SLF2: variants seen among roughly 807,000 people sequenced by gnomAD.
SLF2 encodes the protein SMC5/6 complex localization factor 2, also known as SMC5-SMC6 complex localization factor protein 2.
Under a neutral mutation model 124.3 loss-of-function variants are expected in SLF2, and 68 were observed. That is an observed-to-expected ratio of 0.55 (90% CI 0.45 to 0.67). The LOEUF is 0.67. Ranked by LOEUF, SLF2 falls within the 30% of genes least tolerant of loss-of-function variation. The pLI is 0.00. For synonymous variants in SLF2, 480 were observed against 478.8 expected (o/e 1.00, Z -0.03); for missense variants, 1,246 against 1,373.7 (o/e 0.91, Z 1.47).
At chr10:100,953,512 C>T (rs1176942140) in intron 17 of SLF2, among the ~76,000 whole-genome samples, 1 of 150,978 alleles carries the variant, frequency 6.6e-6, no homozygotes, top group Non-Finnish European at 1.5e-5. Context: ...AAAGTAAAAC[C>T]TGAAAGACTC....
At chr10:100,935,001 A>G (rs1009628833) in intron 9 of SLF2, among the ~76,000 whole-genome samples, 1 of 152,178 alleles carries the variant, frequency 6.6e-6, no homozygotes, top group Non-Finnish European at 1.5e-5. Context: ...GAAATACAAT[A>G]TGTGTTCCTC....
Position 100,945,378 on chromosome 10 carries a change from G to A in SLF2, c.2806G>A (p.Glu936Lys). The A allele has an allele frequency of 6.2e-7, 1 of 1,602,960 alleles. No homozygotes were observed. Among genetic ancestry groups the A allele is most frequent in the Non-Finnish European group, 8.5e-7 (1 of 1,177,508 alleles). ...SIHPEGYQDREIMLLILMLFK... is the reference protein window; with the variant it reads ...SIHPEGYQDRKIMLLILMLFK... ...ACATCCAGAAGGTTACCAGGATCGTGAAATAATGTTGCTGATTTTAATGTT... is the reference window on the plus strand; with the variant it reads ...ACATCCAGAAGGTTACCAGGATCGTAAAATAATGTTGCTGATTTTAATGTT... The change falls in exon 13 of 20, where the codon GAA becomes AAA. Residue 936 changes from glutamate (E) to lysine (K), a missense_variant. Coordinates refer to ENST00000238961, the MANE Select transcript of SLF2 (RefSeq NM_018121.4).
At position 100,928,031 on chromosome 10, in the gene SLF2, ACCCC is replaced by A. The variant is rs60988031; in HGVS notation, c.2043-1274_2043-1271del. On this transcript the variant is annotated intron_variant, in intron 6 of 19. Transcript: ENST00000238961. ...GAAAAAGTTTAGAATTATGATGAAC[ACCCC>A]CCCCCCCCCCCACACACACACACAC... Among the ~76,000 whole-genome samples the A allele has an allele frequency of 2.7e-3, 84 of 30,548 alleles. 3 individuals are homozygous for A. Among genetic ancestry groups the A allele is most frequent in the Admixed American group, 5.0e-3 (11 of 2,202 alleles). The allele number at this position is 30,548 out of a possible 152,430, so 20.0% of individuals were successfully genotyped here.
At chr10:100,942,872 G>A (rs984632781) in intron 11 of SLF2, among the ~76,000 whole-genome samples, 1 of 152,058 alleles carries the variant, frequency 6.6e-6, no homozygotes, top group African/African-American at 2.4e-5. Context: ...CAGGCTATCC[G>A]CCTGCCTCAG....
In SLF2 at chr10:100,929,374, A is replaced by G; in HGVS notation, c.2100A>G (p.Lys700=). Residue 700 remains lysine (K), a synonymous_variant, in exon 7 of 20, where the codon AAA becomes AAG. Coordinates refer to ENST00000238961, the MANE Select transcript of SLF2 (RefSeq NM_018121.4). The part of the protein sequence containing the change: ...QEDIRQGRGI[K]SPIRIGEEDS... ...ACATAAGGCAAGGCCGAGGCATTAA[A>G]TCCCCAATCAGAATTGGAGAAGAAG... 6.2e-7 allele frequency: 1 copy of G among 1,613,242 alleles called. No individual in the cohort carries two copies. Among genetic ancestry groups the G allele is most frequent in the South Asian group, 1.1e-5 (1 of 91,032 alleles).
At chr10:100,927,375 C>G (rs1849634731) in intron 6 of SLF2, among the ~76,000 whole-genome samples, 1 of 152,166 alleles carries the variant, frequency 6.6e-6, no homozygotes, top group African/African-American at 2.4e-5. Flanking sequence ...TTATTTCATT[C>G]AGGGCAGTGT....
intron 1 of SLF2, among the ~76,000 whole-genome samples, chr10:100,914,179 C>T (rs1849373041): frequency 6.6e-6 from 1 of 152,230 alleles, no homozygotes; most frequent in Non-Finnish European, 1.5e-5. Context: ...CCAGACCCCA[C>T]TGGGGACTTT....
rs1449934803 is a variant in SLF2 at position 100,956,568 on chromosome 10, T to G, written c.3417+31T>G. On this transcript the variant is annotated intron_variant, in intron 18 of 19. Coordinates refer to ENST00000238961, the MANE Select transcript of SLF2 (RefSeq NM_018121.4). ...TGTGTTCTTTCTTTTTTTCTTTTTTTTTTTCTTAATCTTGGTTACGTTAAT... is the reference window on the plus strand; with the variant it reads ...TGTGTTCTTTCTTTTTTTCTTTTTTGTTTTCTTAATCTTGGTTACGTTAAT... 6 of 1,500,240 alleles carry G rather than the reference T, an allele frequency of 4.0e-6. No homozygotes were observed. In the South Asian group the frequency reaches 6.0e-5, roughly 15 times the overall value. 92.9% of individuals were successfully genotyped at this position (1,500,240 alleles called of 1,614,324 possible).
intron 18 of SLF2, among the ~76,000 whole-genome samples, chr10:100,958,888 G>A (rs955263670): frequency 2.0e-5 from 3 of 152,180 alleles, no homozygotes; most frequent in African/African-American, 7.2e-5. Flanking sequence ...TCCAAATGTA[G>A]GAAAATACGA....
intron 9 of SLF2, among the ~76,000 whole-genome samples, chr10:100,934,939 T>A (rs943184663): frequency 2.0e-5 from 3 of 152,126 alleles, no homozygotes; most frequent in Middle Eastern, 3.4e-3. Flanking sequence ...ACATTTTAAA[T>A]TTAAATGTAT....
rs1012644277 is a variant in SLF2 at position 100,955,481 on chromosome 10, C to T, written c.3331-970C>T. ...ATCAAATGGGCCAGTGTTGTGCTAG[C>T]GAGTCGCAGTGGCTCATGCTTGTAT... is the stretch of plus-strand genomic sequence containing the variant. On this transcript the variant is annotated intron_variant, in intron 17 of 19. Coordinates refer to ENST00000238961, the MANE Select transcript of SLF2 (RefSeq NM_018121.4). Among the ~76,000 whole-genome samples, 8 of 152,062 alleles carry T rather than the reference C, an allele frequency of 5.3e-5. No individual in the cohort carries two copies. The South Asian group carries it at 1.7e-3, about 32-fold the overall frequency.
At position 100,944,137 on chromosome 10, in the gene SLF2, G is replaced by T; in HGVS notation, c.2757+9G>T. 2 of 1,522,482 alleles carry T rather than the reference G, an allele frequency of 1.3e-6. No homozygotes were observed. Among genetic ancestry groups the T allele is most frequent in the Admixed American group, 1.7e-5 (1 of 58,336 alleles). 94.3% of individuals were successfully genotyped at this position (1,522,482 alleles called of 1,614,324 possible). A position where few individuals can be genotyped will look rare whatever the true frequency, so the allele number is the denominator to read the frequency against. Reference sequence around the variant, plus strand: ...TTTTAAATGTGGTTAAGGTAGGAAAGAACTTTTATGTGTCTTCTGCTCAGA... The same window carrying T: ...TTTTAAATGTGGTTAAGGTAGGAAATAACTTTTATGTGTCTTCTGCTCAGA... On this transcript the variant is annotated intron_variant, in intron 12 of 19. Coordinates refer to ENST00000238961, the MANE Select transcript of SLF2 (RefSeq NM_018121.4).
chr10:100,947,782 C>T lies in SLF2; in HGVS notation c.3055C>T (p.Leu1019=). 1 of 1,611,120 alleles carries T rather than the reference C, an allele frequency of 6.2e-7. No homozygotes were observed. Among genetic ancestry groups the T allele is most frequent in the Non-Finnish European group, 8.5e-7 (1 of 1,178,432 alleles). ...TAGGCAACTGAGACAGTGCCTCAGT[C>T]TAGTGATTATTTCAAAGCTTTTGGA... ...RGRQLRQCLS[L]VIISKLLDEK... The change falls in exon 15 of 20, where the codon CTA becomes TTA. Residue 1019 remains leucine (L), a synonymous_variant. Transcript: ENST00000238961.
intron 19 of SLF2, among the ~76,000 whole-genome samples, chr10:100,960,999 T>C (rs913765483): frequency 2.1e-5 from 1 of 47,662 alleles, no homozygotes; most frequent in Non-Finnish European, 4.6e-5. Context: ...TCTGTACTTC[T>C]TTTTTTTTTT....
chr10:100,928,068 C>CACACAT (rs1491324670), intron 6 of SLF2, among the ~76,000 whole-genome samples: 1 of 59,534 alleles, frequency 1.7e-5, no homozygotes, highest in Admixed American at 2.0e-4. Context: ...CACACACACA[C>CACACAT]GAGAGAGAGA....
intron 5 of SLF2, 87 bp from the exon 6 acceptor site, chr10:100,925,862 T>TA: frequency 8.0e-7 from 1 of 1,248,304 alleles, no homozygotes; most frequent in Non-Finnish European, 1.1e-6. Context: ...AAATAGAAAA[T>TA]AGTCTTTCGT....
At chr10:100,932,714 TGTGTGTGCGCGCGC>T (rs1433251375) in intron 9 of SLF2, among the ~76,000 whole-genome samples, 85 of 92,744 alleles carry the variant, frequency 9.2e-4, no homozygotes, top group Middle Eastern at 6.8e-3. Flanking sequence ...TGTGTGTGTG[TGTGTGTGCGCGCGC>T]GCGCGCGCGC....
chr10:100,917,339 A>G lies in SLF2; in HGVS notation c.915+39A>G, dbSNP rs756977165. On this transcript the variant is annotated intron_variant, in intron 3 of 19. Coordinates refer to ENST00000238961, the MANE Select transcript of SLF2 (RefSeq NM_018121.4). ...TTATTGAATTAGCATTGCTACTGCT[A>G]TGTCATATTTAGAATACTAAATTTA... is the stretch of plus-strand genomic sequence containing the variant. 5.2e-6 allele frequency: 8 copies of G among 1,549,406 alleles called. No homozygotes were observed. In the Admixed American group the frequency reaches 1.0e-4, roughly 20 times the overall value.
At chr10:100,921,621 C>G (rs1299173348) in intron 4 of SLF2, among the ~76,000 whole-genome samples, 1 of 152,188 alleles carries the variant, frequency 6.6e-6, no homozygotes, top group Non-Finnish European at 1.5e-5. Context: ...CCTTAATAAG[C>G]TGACTTATCC....
Sources: gnomAD v4.1 joint callset for allele counts (sites outside exome capture counted in the v4.1 genomes callset) on GRCh38, gnomAD v4.1.1 for gene constraint, MANE v1.5 for transcripts, NCBI Gene and HGNC (gene_info 2026-07-23, HGNC 2026-07-21) for gene names.